Variants in ARID5B observed in about 807,000 individuals in gnomAD.
The protein encoded by ARID5B is AT-rich interactive domain-containing protein 5B.
ARID5B carries 13 observed loss-of-function variants against 97.2 expected under a neutral mutation model. The observed-to-expected ratio is 0.13, with a 90% confidence interval of 0.09 to 0.21. The LOEUF (loss-of-function observed/expected upper bound fraction) is 0.21. Among genes scored for constraint, ARID5B ranks in the 10% least tolerant of loss-of-function variants. ARID5B has a pLI of 1.00. For synonymous variants in ARID5B, 556 were observed against 570.3 expected, an observed-to-expected ratio of 0.97 and a Z score of 0.36; for missense variants, 1,210 against 1,465.3, an observed-to-expected ratio of 0.83 and a Z score of 2.84.
chr10:62,062,473 T>A (rs1465860814), intron 7 of ARID5B, among the ~76,000 whole-genome samples: 1 of 152,212 alleles, frequency 6.6e-6, no homozygotes, highest in African/African-American at 2.4e-5. Context: ...GTGATGTTAA[T>A]TCAAATCCAG....
At chr10:61,966,125 T>C (rs1838542048) in intron 3 of ARID5B, among the ~76,000 whole-genome samples, 1 of 152,204 alleles carries the variant, frequency 6.6e-6, no homozygotes, top group Non-Finnish European at 1.5e-5. Context: ...TGTTAATGGT[T>C]TAATTCCAAT....
intron 8 of ARID5B, among the ~76,000 whole-genome samples, chr10:62,082,466 G>A (rs1292348647): frequency 6.6e-6 from 1 of 152,122 alleles, no homozygotes; most frequent in African/African-American, 2.4e-5. Flanking sequence ...TTTCTCCTGT[G>A]TAATGAATTC....
rs953147262 is a variant in ARID5B at position 62,086,482 on chromosome 10, A to G, written c.1398+582A>G. On this transcript the variant is annotated intron_variant, in intron 9 of 9. Transcript: ENST00000279873. ...TTTGGGAGGCTGAGGCGGGCGGATCACAAGGTCAGGAGATGGAGACCATCC... is the reference window on the plus strand; with the variant it reads ...TTTGGGAGGCTGAGGCGGGCGGATCGCAAGGTCAGGAGATGGAGACCATCC... Among the ~76,000 whole-genome samples the G allele has an allele frequency of 4.1e-4, 63 of 151,948 alleles. 1 individual carries two copies. Among genetic ancestry groups the G allele is most frequent in the Non-Finnish European group, 1.6e-4 (11 of 67,970 alleles).
Position 62,091,407 on chromosome 10 carries a change from C to A in ARID5B, c.1944C>A (p.Val648=). 1 of 1,613,398 alleles carries A rather than the reference C, an allele frequency of 6.2e-7. No individual in the cohort carries two copies. The highest frequency in any genetic ancestry group is 8.5e-7 in the Non-Finnish European group (1 of 1,179,518). The change falls in exon 10 of 10, where the codon GTC becomes GTA. Residue 648 remains valine, a synonymous_variant. Transcript: ENST00000279873. The part of the protein sequence containing the change: ...IHNALKQTPK[V]LVVQSFDMFK... The stretch of plus-strand genomic sequence containing the variant: ...ATGCGCTCAAGCAGACCCCAAAGGT[C>A]CTTGTGGTCCAGTCGTTTGACATGT...
rs563280273 is a variant in ARID5B, at chr10:61,903,288, C to T, written c.276+875C>T. ...GGAGGGCGGGGAGGGGACAGAGCCTCCCCGGCACGTTTCTGGGCGGCCGCG... is the reference window on the plus strand; with the variant it reads ...GGAGGGCGGGGAGGGGACAGAGCCTTCCCGGCACGTTTCTGGGCGGCCGCG... On this transcript the variant is annotated intron_variant, in intron 2 of 9. Transcript: ENST00000279873. 5.0e-3 allele frequency among the ~76,000 whole-genome samples: 765 copies of T among 152,082 alleles called. 6 individuals are homozygous for T. Among genetic ancestry groups the T allele is most frequent in the African/African-American group, 0.017 (713 of 41,500 alleles).
chr10:62,007,621 A>G (rs1217564449), intron 4 of ARID5B, among the ~76,000 whole-genome samples: 2 of 151,960 alleles, frequency 1.3e-5, no homozygotes, highest in Non-Finnish European at 2.9e-5. Flanking sequence ...TTGTTAACCT[A>G]CCCTTCTTGT....
chr10:62,064,458 G>A (rs971626605), intron 7 of ARID5B, among the ~76,000 whole-genome samples: 1 of 152,194 alleles, frequency 6.6e-6, no homozygotes, highest in African/African-American at 2.4e-5. Context: ...AAGAGTTTAA[G>A]TCTGAAAGAT....
At chr10:61,997,199 A>G (rs1019375061) in intron 3 of ARID5B, among the ~76,000 whole-genome samples, 1 of 152,062 alleles carries the variant, frequency 6.6e-6, no homozygotes, top group Admixed American at 6.6e-5. Flanking sequence ...TCCAACAGAA[A>G]GAGAAGGATT....
At chr10:61,970,985 G>GTGTGTGTA (rs1838618968) in intron 3 of ARID5B, among the ~76,000 whole-genome samples, 1 of 151,756 alleles carries the variant, frequency 6.6e-6, no homozygotes, top group Non-Finnish European at 1.5e-5. Context: ...GTGTGTGTGT[G>GTGTGTGTA]TGTGTGTATG....
Position 62,068,510 on chromosome 10 carries a change from G to A in ARID5B, c.1102-1190G>A, listed in dbSNP as rs770512571. On this transcript the variant is annotated intron_variant, in intron 7 of 9. Coordinates refer to ENST00000279873, the MANE Select transcript of ARID5B (RefSeq NM_032199.3). ...CTCAGATTTACAATTACAGAGCCCC[G>A]GTTGCAAGTTGAGGTTTTTTAATTT... 5.3e-5 allele frequency among the ~76,000 whole-genome samples: 8 copies of A among 151,932 alleles called. No homozygotes were observed. The East Asian group carries it at 9.6e-4, about 18-fold the overall frequency.
At chr10:62,012,524 G>T (rs778823019) in intron 4 of ARID5B, among the ~76,000 whole-genome samples, 2 of 152,142 alleles carry the variant, frequency 1.3e-5, no homozygotes, top group Non-Finnish European at 2.9e-5. Flanking sequence ...GGCAGAGCGA[G>T]ACCCTGTCTC....
intron 2 of ARID5B, among the ~76,000 whole-genome samples, chr10:61,923,052 T>G (rs1354215101): frequency 4.6e-5 from 7 of 152,218 alleles, no homozygotes; most frequent in African/African-American, 1.7e-4. Flanking sequence ...GCTTCCATGT[T>G]AAACCTAGTG....
chr10:61,974,640 C>G (rs752125814), intron 3 of ARID5B, among the ~76,000 whole-genome samples: 2 of 152,088 alleles, frequency 1.3e-5, no homozygotes, highest in African/African-American at 4.8e-5. Flanking sequence ...AAATTTGAGA[C>G]GGTCTCATTT....
intron 3 of ARID5B, among the ~76,000 whole-genome samples, chr10:61,977,732 T>C (rs1479057922): frequency 6.6e-6 from 1 of 152,254 alleles, no homozygotes; most frequent in African/African-American, 2.4e-5. Context: ...TAAATTTGTT[T>C]GAGTTCTTTG....
At chr10:61,999,680 C>T (rs1010112571) in intron 3 of ARID5B, among the ~76,000 whole-genome samples, 1 of 152,096 alleles carries the variant, frequency 6.6e-6, no homozygotes, top group African/African-American at 2.4e-5. Flanking sequence ...CTGTATAATC[C>T]AATATAAGAG....
intron 4 of ARID5B, among the ~76,000 whole-genome samples, chr10:62,027,309 TTTTTTTTTTTTTTTTTTG>T (rs1481872453): frequency 7.0e-5 from 7 of 99,432 alleles, no homozygotes; most frequent in Admixed American, 2.1e-4. Flanking sequence ...TTTTTTTTTT[TTTTTTTTTTTTTTTTTTG>T]AGACTGAGTC....
Position 62,091,530 on chromosome 10 carries a change from A to G in ARID5B, c.2067A>G (p.Pro689=). The G allele has an allele frequency of 6.2e-7, 1 of 1,613,596 alleles. No homozygotes were observed. The highest frequency in any genetic ancestry group is 8.5e-7 in the Non-Finnish European group (1 of 1,179,858). ...YSRGNPGIMS[P]LAKKKLLSQV... is the part of the protein sequence containing the mutation. ...GGGGCAACCCAGGCATCATGTCCCCACTGGCCAAGAAAAAGCTTTTGTCCC... is the reference window on the plus strand; with the variant it reads ...GGGGCAACCCAGGCATCATGTCCCCGCTGGCCAAGAAAAAGCTTTTGTCCC... The change falls in exon 10 of 10, where the codon CCA becomes CCG. Residue 689 remains proline, a synonymous_variant. Coordinates refer to ENST00000279873, the MANE Select transcript of ARID5B (RefSeq NM_032199.3).
intron 4 of ARID5B, among the ~76,000 whole-genome samples, chr10:62,050,378 G>C (rs967849458): frequency 6.6e-6 from 1 of 152,156 alleles, no homozygotes; most frequent in East Asian, 1.9e-4. Flanking sequence ...TCTCTCTATA[G>C]CTATCTCTCT....
chr10:61,933,446 C>T (rs1488569186), intron 2 of ARID5B, among the ~76,000 whole-genome samples: 6 of 152,132 alleles, frequency 3.9e-5, no homozygotes, highest in East Asian at 1.9e-4. Flanking sequence ...GAAGGTTTTC[C>T]GTTTACTTTG....
Sources: gnomAD v4.1 joint callset for allele counts (sites outside exome capture counted in the v4.1 genomes callset) on GRCh38, gnomAD v4.1.1 for gene constraint, MANE v1.5 for transcripts, NCBI Gene and HGNC (gene_info 2026-07-23, HGNC 2026-07-21) for gene names.